KATNIP: variants seen among roughly 807,000 people sequenced by gnomAD.
The protein encoded by KATNIP is katanin-interacting protein.
A neutral mutation model predicts 174.0 loss-of-function variants in KATNIP; 126 were observed. The observed-to-expected ratio is 0.72, with a 90% CI of 0.63 to 0.84. The LOEUF is 0.84. Ranked by LOEUF, KATNIP falls within the 40% of genes least tolerant of loss-of-function variation. The pLI is 0.00. For synonymous variants in KATNIP, 810 were observed against 835.7 expected (o/e 0.97, Z 0.53); for missense variants, 1,958 against 2,109.7 (o/e 0.93, Z 1.41).
At chr16:27,601,502 C>T (rs1003908356) in intron 2 of KATNIP, among the ~76,000 whole-genome samples, 2 of 151,878 alleles carry the variant, frequency 1.3e-5, no homozygotes, top group African/African-American at 2.4e-5. Context: ...GGGAGTGGGG[C>T]GGGTGCTCTC....
intron 5 of KATNIP, among the ~76,000 whole-genome samples, chr16:27,645,461 G>A (rs1230139578): frequency 2.6e-5 from 4 of 152,198 alleles, no homozygotes; most frequent in Admixed American, 6.5e-5. Context: ...CAGGAGCCAC[G>A]GTAACAGAAA....
chr16:27,574,982 C>T (rs1295495953), intron 2 of KATNIP, among the ~76,000 whole-genome samples: 3 of 152,208 alleles, frequency 2.0e-5, no homozygotes, highest in African/African-American at 4.8e-5. Flanking sequence ...CCCCCCTCCC[C>T]GCCTCTGAGC....
intron 8 of KATNIP, among the ~76,000 whole-genome samples, chr16:27,691,586 T>C (rs918637392): frequency 6.6e-6 from 1 of 152,038 alleles, no homozygotes; most frequent in African/African-American, 2.4e-5. Context: ...TGTGAGGGAG[T>C]GCACAGAGGG....
intron 2 of KATNIP, among the ~76,000 whole-genome samples, chr16:27,597,372 T>C (rs1019255885): frequency 1.3e-5 from 2 of 149,328 alleles, no homozygotes; most frequent in African/African-American, 4.9e-5. Context: ...CCATAAAATA[T>C]ATGTGGTATT....
intron 14 of KATNIP, among the ~76,000 whole-genome samples, chr16:27,724,581 G>A (rs562688365): frequency 1.3e-5 from 2 of 152,242 alleles, no homozygotes; most frequent in Non-Finnish European, 1.5e-5. Flanking sequence ...TTTGAGAGCC[G>A]AGGTCTTTCC....
intron 2 of KATNIP, among the ~76,000 whole-genome samples, chr16:27,597,180 G>A (rs2075361339): frequency 6.6e-6 from 1 of 152,120 alleles, no homozygotes; most frequent in Non-Finnish European, 1.5e-5. Flanking sequence ...GCAACAGAGT[G>A]AGATCCTGTC....
At chr16:27,632,494 T>G (rs2076519885) in intron 5 of KATNIP, 1 of 410,548 alleles carries the variant, frequency 2.4e-6, no homozygotes. Flanking sequence ...ATGGCGGCAT[T>G]AGCAGGATCT....
chr16:27,715,125 A>G (rs2079870757), intron 13 of KATNIP, among the ~76,000 whole-genome samples: 2 of 152,270 alleles, frequency 1.3e-5, no homozygotes, highest in South Asian at 4.1e-4. Flanking sequence ...TTGAGCATCC[A>G]TAAGTAAACC....
chr16:27,618,365 C>A, intron 2 of KATNIP, 60 bp from the exon 3 acceptor site: 1 of 1,315,764 alleles, frequency 7.6e-7, no homozygotes, highest in Non-Finnish European at 1.1e-6. Context: ...GCTGCACCTG[C>A]ACTCTCAGTC....
intron 15 of KATNIP, among the ~76,000 whole-genome samples, chr16:27,747,576 C>T (rs532610085): frequency 5.9e-5 from 9 of 152,146 alleles, no homozygotes; most frequent in Admixed American, 5.2e-4. Flanking sequence ...TTAAAGAGTG[C>T]CCCTCCTTGA....
At chr16:27,658,317 C>T (rs1221439491) in intron 6 of KATNIP, among the ~76,000 whole-genome samples, 1 of 152,110 alleles carries the variant, frequency 6.6e-6, no homozygotes, top group Non-Finnish European at 1.5e-5. Flanking sequence ...TTTTTTAGGT[C>T]TGAACTTTTA....
chr16:27,596,275 G>C (rs2075332928), intron 2 of KATNIP, among the ~76,000 whole-genome samples: 1 of 152,246 alleles, frequency 6.6e-6, no homozygotes, highest in South Asian at 2.1e-4. Context: ...TGTAAAGAGA[G>C]AGGCAGCTGG....
Position 27,761,332 on chromosome 16 carries a change from A to T in KATNIP, c.3632-81A>T. ...AGTTGCTAGAATATAGAGGCCGAAT[A>T]GCATTCCTCTTCCTGTCTTCATTTT... On this transcript the variant is annotated intron_variant, in intron 18 of 27. Transcript: ENST00000261588. The T allele has an allele frequency of 2.1e-6, 3 of 1,399,588 alleles. No homozygotes were observed. The East Asian group carries it at 6.9e-5, about 32-fold the overall frequency. The allele number at this position is 1,399,588 out of a possible 1,614,324, so 86.7% of individuals were successfully genotyped here.
At chr16:27,631,695 G>T (rs908050792) in intron 5 of KATNIP, among the ~76,000 whole-genome samples, 3 of 152,122 alleles carry the variant, frequency 2.0e-5, no homozygotes, top group Non-Finnish European at 2.9e-5. Context: ...CCACTTGGGG[G>T]TATAGGAAGG....
At chr16:27,583,258 A>C (rs1406319447) in intron 2 of KATNIP, among the ~76,000 whole-genome samples, 1 of 152,184 alleles carries the variant, frequency 6.6e-6, no homozygotes, top group Non-Finnish European at 1.5e-5. Context: ...GACAGAGATA[A>C]TGTTGACAGC....
intron 6 of KATNIP, among the ~76,000 whole-genome samples, chr16:27,659,159 T>G (rs1404890784): frequency 6.6e-6 from 1 of 152,154 alleles, no homozygotes; most frequent in Admixed American, 6.6e-5. Context: ...CAAGGAAGTA[T>G]TCATATATTT....
chr16:27,570,689 G>C (rs558053519), intron 1 of KATNIP, among the ~76,000 whole-genome samples: 3 of 152,258 alleles, frequency 2.0e-5, no homozygotes, highest in African/African-American at 7.2e-5. Flanking sequence ...AGTCTACCTG[G>C]ACATTGGGCT....
intron 1 of KATNIP, among the ~76,000 whole-genome samples, chr16:27,567,043 G>A (rs572729125): frequency 1.3e-5 from 2 of 152,142 alleles, no homozygotes; most frequent in African/African-American, 2.4e-5. Context: ...TTTTGTCATC[G>A]TTTCATTCTT....
chr16:27,652,762 A>T (rs1395317827), intron 6 of KATNIP, among the ~76,000 whole-genome samples: 1 of 151,028 alleles, frequency 6.6e-6, no homozygotes. Flanking sequence ...ACAGGAGCCG[A>T]GATGGAGCCA....
Sources: gnomAD v4.1 joint callset for allele counts (sites outside exome capture counted in the v4.1 genomes callset) on GRCh38, gnomAD v4.1.1 for gene constraint, MANE v1.5 for transcripts, NCBI Gene and HGNC (gene_info 2026-07-23, HGNC 2026-07-21) for gene names.